The following COL4A5 variants were observed in gnomAD, a reference collection of about 807,000 sequenced individuals.
The protein encoded by COL4A5 is collagen type IV alpha 5 chain, also known as collagen alpha-5(IV) chain.
In COL4A5, 26 loss-of-function variants were observed where a neutral mutation model predicts 130.2. That is an observed-to-expected ratio of 0.20 (90% CI 0.15 to 0.28). The LOEUF (loss-of-function observed/expected upper bound fraction) is 0.28, where lower values mean the gene tolerates loss of function less well. Among genes scored for constraint, COL4A5 ranks in the 10% least tolerant of loss-of-function variants. The probability of loss-of-function intolerance (pLI) is 1.00; values close to 1 mark genes in which losing one functional copy is unlikely to be tolerated. For synonymous variants in COL4A5, 496 were observed against 439.6 expected, an observed-to-expected ratio of 1.13 and a Z score of -1.60; for missense variants, 1,131 against 1,344.3, an observed-to-expected ratio of 0.84 and a Z score of 2.48.
intron 1 of COL4A5, among the ~76,000 whole-genome samples, chrX:108,538,514 T>A (rs2065486808): frequency 9.0e-6 from 1 of 111,253 alleles, no homozygotes; most frequent in Non-Finnish European, 1.9e-5. Flanking sequence ...CTGAGTGAGT[T>A]AGGAGTTCTG....
chrX:108,539,882 CAG>C lies in COL4A5; in HGVS notation c.141+80_141+81del, dbSNP rs1052782310. On this transcript the variant is annotated intron_variant, in intron 2 of 52. Coordinates refer to ENST00000328300, the MANE Select transcript of COL4A5 (RefSeq NM_033380.3). Reference sequence around the variant, plus strand: ...GTTTTAATAAATATTTTTTTAAAAACAGAGCTTCTATCTCAGTACTTAAGTAA... The same window carrying C: ...GTTTTAATAAATATTTTTTTAAAAACAGCTTCTATCTCAGTACTTAAGTAA... The C allele has an allele frequency of 9.7e-6, 8 of 821,673 alleles. No homozygotes were observed. In the African/African-American group the frequency reaches 1.6e-4, roughly 17 times the overall value. The allele number at this position is 821,673 out of a possible 1,213,427, so 67.7% of individuals were successfully genotyped here.
intron 1 of COL4A5, among the ~76,000 whole-genome samples, chrX:108,474,343 CTAGA>C (rs1344305141): frequency 1.8e-5 from 2 of 111,505 alleles, no homozygotes; most frequent in African/African-American, 6.5e-5. Flanking sequence ...TTAGATATTT[CTAGA>C]TACATACTTA....
intron 2 of COL4A5, among the ~76,000 whole-genome samples, chrX:108,555,036 A>G (rs955624760): frequency 8.9e-6 from 1 of 112,810 alleles, no homozygotes; most frequent in Non-Finnish European, 1.9e-5. Context: ...GTCCAAGTGC[A>G]TATTAATAAA....
chrX:108,471,916 G>T (rs7886192), intron 1 of COL4A5, among the ~76,000 whole-genome samples: 10,621 of 110,809 alleles, frequency 0.096, 1,152 homozygotes, highest in African/African-American at 0.32. Context: ...GTTTCAGAAG[G>T]TATAAATATA....
chrX:108,580,663 A>C lies in COL4A5; in HGVS notation c.835-19A>C. 8.3e-7 allele frequency: 1 copy of C among 1,208,326 alleles called. No homozygotes were observed. Among genetic ancestry groups the C allele is most frequent in the Non-Finnish European group, 1.1e-6 (1 of 892,567 alleles). ...ACAGTATCCCATGAACCATTGTGAA[A>C]CTATTTTTATGTGTACAGGGTCCCC... is the stretch of plus-strand genomic sequence containing the variant. On this transcript the variant is annotated intron_variant, in intron 14 of 52. Transcript: ENST00000328300.
chrX:108,625,797 G>A lies in COL4A5; in HGVS notation c.3106+3G>A. 8.5e-7 allele frequency: 1 copy of A among 1,174,857 alleles called. No individual in the cohort carries two copies. The highest frequency in any genetic ancestry group is 1.2e-6 in the Non-Finnish European group (1 of 862,286). ...CATCGGTGATATGGGTTTTCCAGGT[G>A]AGTGATGAAAATCTTCCAAATATTT... is the stretch of plus-strand genomic sequence containing the variant. On this transcript the variant is annotated splice_donor_region_variant and intron_variant, in intron 35 of 52. Coordinates refer to ENST00000328300, the MANE Select transcript of COL4A5 (RefSeq NM_033380.3).
Position 108,696,447 on chromosome X carries a change from G to T in COL4A5, c.*69G>T. On this transcript the variant is annotated 3_prime_UTR_variant, in exon 53 of 53. Transcript: ENST00000328300. ...ATATATAAAATTCCTAGGATGCAGT[G>T]TCTCATTGTCCCCAACTTTACTACT... The T allele has an allele frequency of 1.2e-6, 1 of 869,248 alleles. No homozygotes were observed. The highest frequency in any genetic ancestry group is 1.7e-6 in the Non-Finnish European group (1 of 603,408). 71.6% of individuals were successfully genotyped at this position (869,248 alleles called of 1,213,427 possible).
rs1569493471 is a variant in COL4A5, at chrX:108,593,793, A to G, written c.1424-1716A>G. 2.7e-5 allele frequency among the ~76,000 whole-genome samples: 3 copies of G among 111,887 alleles called. No homozygotes were observed. The South Asian group carries it at 1.1e-3, about 41-fold the overall frequency. ...ATTAGTCTCTCTTTGCACCAATACG[A>G]TACTATCTTAATTACTGTGGCTTTA... is the stretch of plus-strand genomic sequence containing the variant. On this transcript the variant is annotated intron_variant, in intron 21 of 52. Transcript: ENST00000328300.
intron 2 of COL4A5, among the ~76,000 whole-genome samples, chrX:108,542,784 T>C (rs2065568921): frequency 2.8e-5 from 3 of 105,583 alleles, no homozygotes. Context: ...TTCCTGACTT[T>C]TTAATGATCG....
chrX:108,527,147 G>T (rs984919496), intron 1 of COL4A5, among the ~76,000 whole-genome samples: 1 of 110,669 alleles, frequency 9.0e-6, no homozygotes, highest in Admixed American at 9.6e-5. Flanking sequence ...ATGTTGTGTC[G>T]ATTTACACTT....
chrX:108,672,092 T>G (rs1444410201), intron 42 of COL4A5, among the ~76,000 whole-genome samples: 1 of 112,192 alleles, frequency 8.9e-6, no homozygotes, highest in African/African-American at 3.2e-5. Context: ...TCTTGTTTTC[T>G]GTTACCTCAA....
At chrX:108,489,252 C>T (rs990792011) in intron 1 of COL4A5, among the ~76,000 whole-genome samples, 1 of 111,595 alleles carries the variant, frequency 9.0e-6, no homozygotes, top group Non-Finnish European at 1.9e-5. Context: ...TAAATGGCCC[C>T]GGACTCTTTT....
At chrX:108,524,679 TG>T (rs764210130) in intron 1 of COL4A5, among the ~76,000 whole-genome samples, 1 of 111,545 alleles carries the variant, frequency 9.0e-6, no homozygotes, top group Non-Finnish European at 1.9e-5. Context: ...CCATATGTTT[TG>T]GTATTGTGTG....
chrX:108,670,077 A>G (rs2068169644), intron 41 of COL4A5, 151 bp from the exon 42 acceptor site: 1 of 616,980 alleles, frequency 1.6e-6, no homozygotes, highest in South Asian at 3.1e-5. Context: ...ATGGATATGA[A>G]CTTTCAGAGT....
intron 20 of COL4A5, 107 bp from the exon 21 acceptor site, chrX:108,591,454 T>C: frequency 1.4e-6 from 1 of 722,019 alleles, no homozygotes; most frequent in Non-Finnish European, 2.2e-6. Context: ...TATAGGTACT[T>C]TTATTTCTTC....
At chrX:108,513,471 A>T (rs2065196543) in intron 1 of COL4A5, among the ~76,000 whole-genome samples, 1 of 111,679 alleles carries the variant, frequency 9.0e-6, no homozygotes, top group Non-Finnish European at 1.9e-5. Flanking sequence ...TTTAATTTGC[A>T]TTTCCCTGAT....
At chrX:108,606,963 A>G (rs1308343392) in intron 29 of COL4A5, 71 bp downstream of exon 29, 7 of 1,081,711 alleles carry the variant, frequency 6.5e-6, no homozygotes, top group Non-Finnish European at 9.0e-6. Context: ...GGGAAAGTTT[A>G]TGGGTGATAA....
chrX:108,595,114 C>T (rs1020497107), intron 21 of COL4A5, among the ~76,000 whole-genome samples: 2 of 111,694 alleles, frequency 1.8e-5, no homozygotes, highest in African/African-American at 6.5e-5. Flanking sequence ...CTGCCTGCCT[C>T]GGGCTCCCAA....
intron 28 of COL4A5, among the ~76,000 whole-genome samples, chrX:108,605,388 A>G (rs1047823013): frequency 1.8e-5 from 2 of 111,808 alleles, no homozygotes; most frequent in African/African-American, 6.5e-5. Context: ...ATGGCTGATC[A>G]GTGGAGCAGT....
Sources: allele counts gnomAD v4.1 joint callset (sites outside exome capture counted in the v4.1 genomes callset), GRCh38; gene constraint gnomAD v4.1.1; transcripts MANE v1.5; gene names NCBI Gene and HGNC (gene_info 2026-07-23, HGNC 2026-07-21).